Variants in FARS2 observed in about 807,000 individuals in gnomAD.
FARS2 encodes the protein phenylalanyl-tRNA synthetase 2, mitochondrial, also known as phenylalanine--tRNA ligase, mitochondrial.
FARS2 carries 40 observed loss-of-function variants against 46.4 expected under a neutral mutation model. The observed-to-expected ratio is 0.86, with a 90% CI of 0.67 to 1.12. The LOEUF is 1.12. FARS2 is among the 50% of genes most tolerant of loss of function. FARS2 has a pLI of 0.00. For synonymous variants in FARS2, 234 were observed against 214.9 expected (o/e 1.09, Z -0.78); for missense variants, 513 against 567.9 (o/e 0.90, Z 0.98).
At chr6:5,569,210 A>G (rs1035655906) in intron 5 of FARS2, among the ~76,000 whole-genome samples, 1 of 150,904 alleles carries the variant, frequency 6.6e-6, no homozygotes, top group African/African-American at 2.4e-5. Flanking sequence ...GATGAGTTCA[A>G]TTTTGGCCAG....
At chr6:5,355,380 T>G (rs1458401880) in intron 1 of FARS2, among the ~76,000 whole-genome samples, 2 of 150,160 alleles carry the variant, frequency 1.3e-5, no homozygotes, top group African/African-American at 2.4e-5. Context: ...TTTTGTTTTT[T>G]TTTTTTTTTT....
chr6:5,674,996 C>T (rs1277775771), intron 6 of FARS2, among the ~76,000 whole-genome samples: 2 of 152,182 alleles, frequency 1.3e-5, no homozygotes, highest in African/African-American at 4.8e-5. Flanking sequence ...ACTGGTCATA[C>T]TCTGTGCTTT....
chr6:5,369,042 G>T lies in FARS2; in HGVS notation c.472G>T (p.Ala158Ser). ...RTHMLRAHTS[A>S]HQWDLLHAGL... ...TCACATGCTGAGAGCGCACACGTCT[G>T]CACACCAGTGGGACTTGCTGCACGC... is the stretch of plus-strand genomic sequence containing the variant. The change falls in exon 2 of 7, where the codon GCA becomes TCA. Residue 158 changes from alanine to serine, a missense_variant. Ala to Ser is a moderately conservative substitution (Grantham distance 99). Transcript: ENST00000274680. 1 of 1,614,164 alleles carries T rather than the reference G, an allele frequency of 6.2e-7. No individual in the cohort carries two copies. Among genetic ancestry groups the T allele is most frequent in the Non-Finnish European group, 8.5e-7 (1 of 1,180,038 alleles).
At chr6:5,701,665 C>T (rs1758444157) in intron 6 of FARS2, among the ~76,000 whole-genome samples, 2 of 152,194 alleles carry the variant, frequency 1.3e-5, no homozygotes, top group African/African-American at 4.8e-5. Flanking sequence ...CCATCTTCAT[C>T]CCTAAACGAA....
upstream of FARS2, among the ~76,000 whole-genome samples, chr6:5,259,061 T>C (rs1764812959): frequency 6.7e-6 from 1 of 149,430 alleles, no homozygotes. Flanking sequence ...AAAACTGAAA[T>C]ACAGAGATTG....
intron 4 of FARS2, among the ~76,000 whole-genome samples, chr6:5,494,226 C>T (rs933457632): frequency 6.6e-6 from 1 of 150,398 alleles, no homozygotes; most frequent in Non-Finnish European, 1.5e-5. Flanking sequence ...TTGTTTGAGT[C>T]AGGTTTGGTT....
At chr6:5,363,761 G>A (rs1318064431) in intron 1 of FARS2, among the ~76,000 whole-genome samples, 3 of 152,202 alleles carry the variant, frequency 2.0e-5, no homozygotes, top group East Asian at 1.9e-4. Flanking sequence ...CGTCCCCTCT[G>A]TCTTACTCCT....
chr6:5,350,255 G>A (rs1757494870), intron 1 of FARS2, among the ~76,000 whole-genome samples: 3 of 146,728 alleles, frequency 2.0e-5, no homozygotes, highest in South Asian at 4.3e-4. Flanking sequence ...CATTCCTCCT[G>A]CCTCAGCCTC....
At chr6:5,543,371 G>C (rs990640182) in intron 4 of FARS2, among the ~76,000 whole-genome samples, 1 of 120,794 alleles carries the variant, frequency 8.3e-6, no homozygotes, top group Non-Finnish European at 1.7e-5. Context: ...TCTGTTGTTG[G>C]TGGTGGTTTT....
chr6:5,539,572 T>G (rs41456045), intron 4 of FARS2, among the ~76,000 whole-genome samples: 4,228 of 151,920 alleles, frequency 0.028, 81 homozygotes, highest in Non-Finnish European at 0.042. Context: ...CTAGAACATC[T>G]GACTTTTAGC....
chr6:5,567,419 G>A (rs915350033), intron 5 of FARS2, among the ~76,000 whole-genome samples: 2 of 152,064 alleles, frequency 1.3e-5, no homozygotes, highest in South Asian at 2.1e-4. Context: ...TGTGGCCATC[G>A]TATTGCTGCA....
chr6:5,526,862 C>T (rs935628602), intron 4 of FARS2, among the ~76,000 whole-genome samples: 1 of 152,068 alleles, frequency 6.6e-6, no homozygotes, highest in East Asian at 1.9e-4. Context: ...GATGATCCGC[C>T]CGCCTCAGCC....
At chr6:5,578,827 A>C (rs11243019) in intron 5 of FARS2, among the ~76,000 whole-genome samples, 10 of 44,394 alleles carry the variant, frequency 2.3e-4, no homozygotes, top group South Asian at 2.3e-3. Context: ...AAAAAAAAAA[A>C]AAAAAACAAA....
At chr6:5,396,493 C>A (rs185229466) in intron 2 of FARS2, among the ~76,000 whole-genome samples, 229 of 152,280 alleles carry the variant, frequency 1.5e-3, no homozygotes, top group Non-Finnish European at 2.6e-3. Context: ...TTTTCACCCC[C>A]TGGGAGATTT....
chr6:5,714,082 G>A (rs1759346738), intron 6 of FARS2, among the ~76,000 whole-genome samples: 1 of 152,210 alleles, frequency 6.6e-6, no homozygotes, highest in African/African-American at 2.4e-5. Context: ...GTGTGTGTGT[G>A]TGAGTGCGCG....
At chr6:5,769,458 T>C (rs1366008932) in intron 6 of FARS2, among the ~76,000 whole-genome samples, 1 of 152,244 alleles carries the variant, frequency 6.6e-6, no homozygotes, top group African/African-American at 2.4e-5. Context: ...GCATGGTACC[T>C]GGAGTACTGT....
At chr6:5,369,734 G>T (rs2127645855) in intron 2 of FARS2, among the ~76,000 whole-genome samples, 1 of 152,282 alleles carries the variant, frequency 6.6e-6, no homozygotes, top group East Asian at 1.9e-4. Context: ...GCTGTGGGAT[G>T]TCTTAATTGC....
chr6:5,511,311 T>C (rs975086264), intron 4 of FARS2, among the ~76,000 whole-genome samples: 2 of 152,242 alleles, frequency 1.3e-5, no homozygotes, highest in Non-Finnish European at 2.9e-5. Flanking sequence ...CTATAAATTA[T>C]ACTTAAATAA....
At chr6:5,529,894 G>T (rs1379550697) in intron 4 of FARS2, among the ~76,000 whole-genome samples, 6 of 152,190 alleles carry the variant, frequency 3.9e-5, no homozygotes, top group African/African-American at 1.4e-4. Flanking sequence ...GCCCAAGCTA[G>T]CTGGTTGGAT....
Sources: allele counts gnomAD v4.1 joint callset (sites outside exome capture counted in the v4.1 genomes callset), GRCh38; gene constraint gnomAD v4.1.1; transcripts MANE v1.5; gene names NCBI Gene and HGNC (gene_info 2026-07-23, HGNC 2026-07-21).